ADCY8: variants seen among roughly 807,000 people sequenced by gnomAD.
The protein encoded by ADCY8 is adenylate cyclase 8.
ADCY8 carries 51 observed loss-of-function variants against 119.7 expected under a neutral mutation model. That is an observed-to-expected ratio of 0.43 (90% CI 0.34 to 0.54). The LOEUF is 0.54. Among genes scored for constraint, ADCY8 ranks in the 20% least tolerant of loss-of-function variants. The probability of loss-of-function intolerance (pLI) is 0.03; values close to 1 mark genes in which losing one functional copy is unlikely to be tolerated. For synonymous variants in ADCY8, 665 were observed against 651.0 expected (o/e 1.02, Z -0.33); for missense variants, 1,383 against 1,598.8 (o/e 0.87, Z 2.30).
chr8:130,929,314 CT>C (rs1820563532), intron 5 of ADCY8, among the ~76,000 whole-genome samples: 1 of 152,118 alleles, frequency 6.6e-6, no homozygotes, highest in Admixed American at 6.5e-5. Flanking sequence ...ACTGCCTTTG[CT>C]GTATCCCATA....
intron 15 of ADCY8, among the ~76,000 whole-genome samples, chr8:130,794,293 G>A (rs1248701877): frequency 6.6e-6 from 1 of 152,204 alleles, no homozygotes; most frequent in Non-Finnish European, 1.5e-5. Flanking sequence ...TGCCTGGGCT[G>A]GAGTGCAGTG....
chr8:130,991,241 G>A (rs577382201), intron 1 of ADCY8, among the ~76,000 whole-genome samples: 33 of 152,280 alleles, frequency 2.2e-4, no homozygotes, highest in South Asian at 8.3e-4. Context: ...CATACACAAA[G>A]TATGAATTTC....
intron 1 of ADCY8, among the ~76,000 whole-genome samples, chr8:131,037,631 GA>G (rs962559065): frequency 3.9e-5 from 6 of 151,918 alleles, no homozygotes; most frequent in Admixed American, 1.3e-4. Context: ...TGAGTTAGAT[GA>G]AAAAAAGAGA....
intron 7 of ADCY8, among the ~76,000 whole-genome samples, chr8:130,893,828 GT>G (rs1819288891): frequency 6.6e-6 from 1 of 151,564 alleles, no homozygotes; most frequent in Non-Finnish European, 1.5e-5. Context: ...GTGTGTGTTT[GT>G]GGGTGTGCAT....
At chr8:130,909,647 A>C in intron 6 of ADCY8, 61 bp downstream of exon 6, 1 of 1,591,534 alleles carries the variant, frequency 6.3e-7, no homozygotes, top group Non-Finnish European at 8.6e-7. Flanking sequence ...CAGGAAACCC[A>C]CTGTCACAAA....
At chr8:131,012,993 A>G (rs1342209938) in intron 1 of ADCY8, among the ~76,000 whole-genome samples, 2 of 152,252 alleles carry the variant, frequency 1.3e-5, no homozygotes, top group Admixed American at 6.5e-5. Flanking sequence ...ATGCAGTTGA[A>G]TGAATGAATT....
Position 130,785,493 on chromosome 8 carries a change from A to G in ADCY8, c.3061-18T>C, listed in dbSNP as rs781557671. The G allele has an allele frequency of 6.3e-7, 1 of 1,595,374 alleles. No homozygotes were observed. The highest frequency in any genetic ancestry group is 8.6e-7 in the Non-Finnish European group (1 of 1,168,654). On this transcript the variant is annotated intron_variant, in intron 15 of 17. Coordinates refer to ENST00000286355, the MANE Select transcript of ADCY8 (RefSeq NM_001115.3). ...CCAAGCAACTGAAAGAGAGCCAGGC[A>G]ATGGTGTTAGCCCTGGTGTTTATTC...
intron 8 of ADCY8, among the ~76,000 whole-genome samples, chr8:130,872,687 C>A (rs772264989): frequency 1.3e-5 from 2 of 152,098 alleles, no homozygotes; most frequent in Non-Finnish European, 2.9e-5. Flanking sequence ...CAATGCAATG[C>A]AAAATAATGA....
intron 2 of ADCY8, among the ~76,000 whole-genome samples, chr8:130,961,593 C>A (rs1821608157): frequency 6.6e-6 from 1 of 152,156 alleles, no homozygotes. Flanking sequence ...CCCTGCAACA[C>A]AGAATCTTTT....
intron 15 of ADCY8, among the ~76,000 whole-genome samples, chr8:130,799,493 GT>G (rs903536444): frequency 2.6e-5 from 4 of 151,292 alleles, no homozygotes; most frequent in African/African-American, 7.3e-5. Flanking sequence ...TGTAGTAGTT[GT>G]TTTTTTTTCC....
intron 4 of ADCY8, among the ~76,000 whole-genome samples, chr8:130,940,356 C>T (rs1028648569): frequency 2.0e-5 from 3 of 152,102 alleles, no homozygotes; most frequent in Non-Finnish European, 1.5e-5. Flanking sequence ...GTTTATTACT[C>T]GTCTGAGGCA....
chr8:131,015,449 A>G (rs778695154), intron 1 of ADCY8, among the ~76,000 whole-genome samples: 3 of 152,196 alleles, frequency 2.0e-5, no homozygotes, highest in Non-Finnish European at 4.4e-5. Flanking sequence ...TACAGATTCC[A>G]TTATCAACAA....
chr8:130,938,085 T>C (rs990465766), intron 4 of ADCY8, among the ~76,000 whole-genome samples: 2 of 152,200 alleles, frequency 1.3e-5, no homozygotes, highest in African/African-American at 2.4e-5. Flanking sequence ...TAAGGTAGTA[T>C]AGCATGGGGA....
At chr8:130,978,880 G>T (rs1335177908) in intron 2 of ADCY8, among the ~76,000 whole-genome samples, 1 of 152,110 alleles carries the variant, frequency 6.6e-6, no homozygotes, top group African/African-American at 2.4e-5. Context: ...TAAGAAAAAA[G>T]TCAATTAGTA....
chr8:131,030,991 T>C (rs941191766), intron 1 of ADCY8, among the ~76,000 whole-genome samples: 1 of 152,168 alleles, frequency 6.6e-6, no homozygotes, highest in Non-Finnish European at 1.5e-5. Context: ...AAAGCAACCA[T>C]GATGACATGA....
At chr8:130,809,174 G>A (rs1428988788) in intron 14 of ADCY8, among the ~76,000 whole-genome samples, 2 of 152,168 alleles carry the variant, frequency 1.3e-5, no homozygotes, top group African/African-American at 4.8e-5. Context: ...CTTTGTCACA[G>A]TTTCCCTTCT....
At chr8:131,025,272 T>C (rs1823787773) in intron 1 of ADCY8, among the ~76,000 whole-genome samples, 1 of 152,166 alleles carries the variant, frequency 6.6e-6, no homozygotes, top group African/African-American at 2.4e-5. Context: ...ATTAATCTTA[T>C]TGCCTCTGAA....
intron 1 of ADCY8, among the ~76,000 whole-genome samples, chr8:130,992,627 C>G (rs940027815): frequency 5.9e-5 from 9 of 151,680 alleles, no homozygotes. Flanking sequence ...GTTGGCCAGG[C>G]TGGTCTTGAC....
At chr8:130,936,054 T>TA (rs1563735576) in intron 5 of ADCY8, among the ~76,000 whole-genome samples, 1 of 148,310 alleles carries the variant, frequency 6.7e-6, no homozygotes, top group Non-Finnish European at 1.5e-5. Context: ...TTGAGGGTGT[T>TA]AGTCACCCAA....
Sources: allele counts gnomAD v4.1 joint callset (sites outside exome capture counted in the v4.1 genomes callset), GRCh38; gene constraint gnomAD v4.1.1; transcripts MANE v1.5; gene names NCBI Gene and HGNC (gene_info 2026-07-23, HGNC 2026-07-21).